TMPRSS11E: variants seen among roughly 807,000 people sequenced by gnomAD.
TMPRSS11E encodes the protein transmembrane serine protease 11E.
TMPRSS11E carries 38 observed loss-of-function variants against 48.1 expected under a neutral mutation model. The observed-to-expected ratio is 0.79, with a 90% CI of 0.61 to 1.04. The LOEUF (loss-of-function observed/expected upper bound fraction) is 1.04. Among genes scored for constraint, TMPRSS11E ranks in the 50% least tolerant of loss-of-function variants. The pLI is 0.00. For missense variants in TMPRSS11E, 530 were observed against 510.8 expected, an observed-to-expected ratio of 1.04 and a Z score of -0.36; for synonymous variants, 158 against 171.9, an observed-to-expected ratio of 0.92 and a Z score of 0.63.
At chr4:68,459,334 G>A (rs1728723864) in intron 1 of TMPRSS11E, among the ~76,000 whole-genome samples, 2 of 151,878 alleles carry the variant, frequency 1.3e-5, no homozygotes, top group South Asian at 4.2e-4. Flanking sequence ...TTTTAAGAAT[G>A]TCCTATGTCT....
intron 5 of TMPRSS11E, among the ~76,000 whole-genome samples, chr4:68,473,550 C>T (rs1305945886): frequency 6.6e-6 from 1 of 152,134 alleles, no homozygotes; most frequent in Non-Finnish European, 1.5e-5. Flanking sequence ...CATATCTTGT[C>T]TGCCAACACT....
chr4:68,468,770 A>G (rs1728987180), intron 3 of TMPRSS11E, 109 bp from the exon 4 acceptor site: 3 of 851,272 alleles, frequency 3.5e-6, no homozygotes, highest in Middle Eastern at 2.4e-4. Flanking sequence ...TGAAATGTCA[A>G]TGTTTTTTGC....
chr4:68,473,620 A>C (rs567291989), intron 5 of TMPRSS11E, among the ~76,000 whole-genome samples: 36 of 152,244 alleles, frequency 2.4e-4, no homozygotes, highest in Non-Finnish European at 2.9e-4. Flanking sequence ...TAAAATTATT[A>C]AGAATGTCAA....
At chr4:68,468,785 T>C in intron 3 of TMPRSS11E, 94 bp from the exon 4 acceptor site, 1 of 969,900 alleles carries the variant, frequency 1.0e-6, no homozygotes, top group Non-Finnish European at 1.7e-6. Context: ...TTTTGCTCTG[T>C]TTTGTTTTTT....
At chr4:68,456,172 T>C (rs1728623242) in intron 1 of TMPRSS11E, among the ~76,000 whole-genome samples, 2 of 152,108 alleles carry the variant, frequency 1.3e-5, no homozygotes, top group South Asian at 2.1e-4. Flanking sequence ...ACAAAGTCTA[T>C]TGATATCATA....
chr4:68,468,393 A>G (rs1728978413), intron 3 of TMPRSS11E, among the ~76,000 whole-genome samples: 1 of 152,090 alleles, frequency 6.6e-6, no homozygotes, highest in Non-Finnish European at 1.5e-5. Context: ...CCTTTTTAAG[A>G]GCACTTGGAG....
intron 9 of TMPRSS11E, among the ~76,000 whole-genome samples, chr4:68,484,840 G>A (rs1393785610): frequency 6.6e-6 from 1 of 152,164 alleles, no homozygotes; most frequent in Non-Finnish European, 1.5e-5. Flanking sequence ...AGTTCTAGGA[G>A]CCTTTGGGCA....
At chr4:68,476,954 T>C (rs1002783498) in intron 7 of TMPRSS11E, among the ~76,000 whole-genome samples, 9 of 152,346 alleles carry the variant, frequency 5.9e-5, no homozygotes, top group East Asian at 1.9e-4. Context: ...AAAATGTCTA[T>C]AGTATATAAA....
rs542828017 is a variant in TMPRSS11E, at chr4:68,493,241, G to A, written c.1111-3402G>A. Among the ~76,000 whole-genome samples the A allele has an allele frequency of 7.9e-5, 12 of 151,978 alleles. No individual in the cohort carries two copies. The South Asian group carries it at 1.9e-3, about 24-fold the overall frequency. Reference sequence around the variant, plus strand: ...ACCTTACGTTATCCGTACATACCCTGATAAAATCCCCTCATCCCCTTTCCC... The same window carrying A: ...ACCTTACGTTATCCGTACATACCCTAATAAAATCCCCTCATCCCCTTTCCC... On this transcript the variant is annotated intron_variant, in intron 9 of 9. Coordinates refer to ENST00000305363, the MANE Select transcript of TMPRSS11E (RefSeq NM_014058.4).
intron 1 of TMPRSS11E, among the ~76,000 whole-genome samples, chr4:68,448,167 T>C (rs754727859): frequency 3.3e-5 from 5 of 152,026 alleles, no homozygotes; most frequent in African/African-American, 4.8e-5. Flanking sequence ...AGTTTTGTCT[T>C]TGAAAATAAT....
At chr4:68,484,313 C>CT (rs1339149221) in intron 9 of TMPRSS11E, among the ~76,000 whole-genome samples, 2 of 151,946 alleles carry the variant, frequency 1.3e-5, no homozygotes, top group Non-Finnish European at 2.9e-5. Flanking sequence ...TGGTTTCTTT[C>CT]TTTTTTTTCT....
At chr4:68,452,101 AT>A (rs1728514316) in intron 1 of TMPRSS11E, among the ~76,000 whole-genome samples, 1 of 151,904 alleles carries the variant, frequency 6.6e-6, no homozygotes, top group Admixed American at 6.6e-5. Context: ...ATGCTCAAAG[AT>A]GAGATAATTT....
intron 6 of TMPRSS11E, among the ~76,000 whole-genome samples, chr4:68,475,870 G>A (rs1729198053): frequency 6.6e-6 from 1 of 152,122 alleles, no homozygotes; most frequent in Admixed American, 6.5e-5. Flanking sequence ...CCAAGGTTGA[G>A]GAACCCTGTC....
At position 68,460,838 on chromosome 4, in the gene TMPRSS11E, C is replaced by T. The variant is rs577740771; in HGVS notation, c.12-983C>T. 3.3e-4 allele frequency among the ~76,000 whole-genome samples: 50 copies of T among 150,500 alleles called. No homozygotes were observed. The South Asian group carries it at 5.7e-3, about 17-fold the overall frequency. ...GTAACATGTATTTTTGAAGGCAGAA[C>T]AAATAGAAGTTGAGGGAATCTCATG... is the stretch of plus-strand genomic sequence containing the variant. On this transcript the variant is annotated intron_variant, in intron 1 of 9. Coordinates refer to ENST00000305363, the MANE Select transcript of TMPRSS11E (RefSeq NM_014058.4).
At chr4:68,457,516 A>C (rs1312581508) in intron 1 of TMPRSS11E, among the ~76,000 whole-genome samples, 2 of 152,162 alleles carry the variant, frequency 1.3e-5, no homozygotes, top group Non-Finnish European at 2.9e-5. Context: ...AGAACCAGAA[A>C]TACTATTTGA....
chr4:68,457,762 A>G lies in TMPRSS11E; in HGVS notation c.12-4059A>G, dbSNP rs542405268. The stretch of plus-strand genomic sequence containing the variant: ...GAATACTATGCAGCCATAAAAGAGG[A>G]TGAGTTCATGTTCTTTGCAGGGACA... On this transcript the variant is annotated intron_variant, in intron 1 of 9. Transcript: ENST00000305363. 4.5e-4 allele frequency among the ~76,000 whole-genome samples: 68 copies of G among 152,248 alleles called. No individual in the cohort carries two copies. In the East Asian group the frequency reaches 0.012, roughly 28 times the overall value.
intron 3 of TMPRSS11E, 49 bp from the exon 4 acceptor site, chr4:68,468,830 T>A: frequency 7.5e-7 from 1 of 1,329,936 alleles, no homozygotes; most frequent in Non-Finnish European, 1.1e-6. Flanking sequence ...ATTTGTGGAA[T>A]TTCAGAAAGT....
In TMPRSS11E at chr4:68,466,741, C is replaced by G; in HGVS notation, c.247C>G (p.Leu83Val). ...CAATTTTACAGAAATGAGCCAGAGA[C>G]TTGAATCAATGGTAAGCAACTTGTC... ...SNNFTEMSQRLESMVKNAFYK... is the reference protein window; with the variant it reads ...SNNFTEMSQRVESMVKNAFYK... Residue 83 changes from leucine (L) to valine (V), a missense_variant, in exon 3 of 10, where the codon CTT (leucine) becomes GTT (valine). Leu to Val is a conservative substitution (Grantham distance 32). Transcript: ENST00000305363. 8 of 1,613,528 alleles carry G rather than the reference C, an allele frequency of 5.0e-6. No individual in the cohort carries two copies. The highest frequency in any genetic ancestry group is 6.8e-6 in the Non-Finnish European group (8 of 1,179,628).
chr4:68,481,269 C>T (rs923862120), intron 9 of TMPRSS11E, among the ~76,000 whole-genome samples: 3 of 152,168 alleles, frequency 2.0e-5, no homozygotes, highest in Non-Finnish European at 4.4e-5. Flanking sequence ...CATATGCATA[C>T]ATGTGTCTTT....
Sources: allele counts gnomAD v4.1 joint callset (sites outside exome capture counted in the v4.1 genomes callset), GRCh38; gene constraint gnomAD v4.1.1; transcripts MANE v1.5; gene names NCBI Gene and HGNC (gene_info 2026-07-23, HGNC 2026-07-21).